The following FAM3B variants were observed in gnomAD, a reference collection of about 807,000 sequenced individuals.
FAM3B encodes FAM3 metabolism regulating signaling molecule B.
Under a neutral mutation model 28.4 loss-of-function variants are expected in FAM3B, and 29 were observed. The ratio of observed to expected loss-of-function variants is 1.02; its 90% CI spans 0.76 to 1.39. The LOEUF (loss-of-function observed/expected upper bound fraction) is 1.39, where lower values mean the gene tolerates loss of function less well. Ranked by LOEUF, FAM3B falls within the 40% of genes most tolerant of loss-of-function variation. The pLI, the probability that FAM3B is intolerant of heterozygous loss-of-function variation, is 0.00. For synonymous variants in FAM3B, 91 were observed against 103.0 expected (o/e 0.88, Z 0.71); for missense variants, 266 against 293.9 (o/e 0.91, Z 0.69).
intron 1 of FAM3B, among the ~76,000 whole-genome samples, chr21:41,304,512 T>C (rs1381118183): frequency 1.3e-5 from 2 of 152,178 alleles, no homozygotes; most frequent in Non-Finnish European, 2.9e-5. Context: ...TCCCGTCTAA[T>C]TCTCAGCCCC....
At chr21:41,351,434 G>A (rs568048630) in intron 7 of FAM3B, among the ~76,000 whole-genome samples, 10 of 152,322 alleles carry the variant, frequency 6.6e-5, no homozygotes, top group East Asian at 5.8e-4. Flanking sequence ...GTCAGTGCTG[G>A]AGAGTTACTA....
chr21:41,326,177 A>C lies in FAM3B; in HGVS notation c.163+3111A>C, dbSNP rs1265159271. On this transcript the variant is annotated intron_variant, in intron 2 of 7. Coordinates refer to ENST00000357985, the MANE Select transcript of FAM3B (RefSeq NM_058186.4). The surrounding 1 kb of genome is among the most constrained non-coding windows in gnomAD (Gnocchi z 4.0). Reference sequence around the variant, plus strand: ...TGGGGGAAGGAATTTCAGGAAAAGCACTGAAGACCTAGATGTGGTTCTCCA... The same window carrying C: ...TGGGGGAAGGAATTTCAGGAAAAGCCCTGAAGACCTAGATGTGGTTCTCCA... 2.0e-5 allele frequency among the ~76,000 whole-genome samples: 3 copies of C among 152,324 alleles called. No individual in the cohort carries two copies. The highest frequency in any genetic ancestry group is 4.1e-4 in the South Asian group (2 of 4,824).
At chr21:41,338,599 C>T (rs569775813) in intron 3 of FAM3B, 98 bp downstream of exon 3, 7 of 1,501,596 alleles carry the variant, frequency 4.7e-6, no homozygotes, top group Non-Finnish European at 6.3e-6. Context: ...CAGGAGAGAA[C>T]CATATGTCGT....
chr21:41,304,802 G>A (rs970402936), intron 1 of FAM3B, among the ~76,000 whole-genome samples: 2 of 152,222 alleles, frequency 1.3e-5, no homozygotes, highest in African/African-American at 4.8e-5. Flanking sequence ...TTCATCTGGT[G>A]CCAGTAGGAA....
In FAM3B at chr21:41,345,666, AC is replaced by A; in HGVS notation, c.347-18del. ...AGTTCTGTGAACTTTCTTTTAAAATACCATTTCTTTTATTTTCAGATGTAAC... is the reference window on the plus strand; with the variant it reads ...AGTTCTGTGAACTTTCTTTTAAAATACATTTCTTTTATTTTCAGATGTAAC... On this transcript the variant is annotated intron_variant, in intron 4 of 7. Coordinates refer to ENST00000357985, the MANE Select transcript of FAM3B (RefSeq NM_058186.4). 1 of 1,511,848 alleles carries A rather than the reference AC, an allele frequency of 6.6e-7. No homozygotes were observed. The highest frequency in any genetic ancestry group is 8.9e-7 in the Non-Finnish European group (1 of 1,125,772). 93.7% of individuals were successfully genotyped at this position (1,511,848 alleles called of 1,614,324 possible). A position where few individuals can be genotyped will look rare whatever the true frequency, so the allele number is the denominator to read the frequency against.
chr21:41,318,074 C>T (rs2088766607), intron 1 of FAM3B, among the ~76,000 whole-genome samples: 1 of 152,066 alleles, frequency 6.6e-6, no homozygotes, highest in Admixed American at 6.6e-5. Context: ...AATATGATTA[C>T]ATTGCTTTCC....
chr21:41,346,947 C>T, intron 5 of FAM3B, 66 bp from the exon 6 acceptor site: 1 of 1,443,368 alleles, frequency 6.9e-7, no homozygotes, highest in South Asian at 1.1e-5. Flanking sequence ...AGGAGGAAGC[C>T]CAGCACCCAA....
In FAM3B at chr21:41,336,958, A is replaced by G. The variant is rs7281974; in HGVS notation, c.164-1420A>G. ...CCATCCTTTCGCTTTCAACCTATACATTTTTTAAATCTGTCGAGCTCATCT... is the reference window on the plus strand; with the variant it reads ...CCATCCTTTCGCTTTCAACCTATACGTTTTTTAAATCTGTCGAGCTCATCT... On this transcript the variant is annotated intron_variant, in intron 2 of 7. Transcript: ENST00000357985. Among the ~76,000 whole-genome samples, 1,223 of 152,198 alleles carry G rather than the reference A, an allele frequency of 8.0e-3. 12 individuals are homozygous for G. Among genetic ancestry groups the G allele is most frequent in the African/African-American group, 0.028 (1,150 of 41,526 alleles).
At chr21:41,352,820 T>TAAACAAATAAATAAAC (rs150654301) in intron 7 of FAM3B, among the ~76,000 whole-genome samples, 1 of 149,998 alleles carries the variant, frequency 6.7e-6, no homozygotes, top group African/African-American at 2.5e-5. Flanking sequence ...AATAAATAAA[T>TAAACAAATAAATAAAC]AAATAAAGGA....
At chr21:41,311,571 GTT>G (rs2088714365) in intron 1 of FAM3B, among the ~76,000 whole-genome samples, 1 of 151,978 alleles carries the variant, frequency 6.6e-6, no homozygotes, top group African/African-American at 2.4e-5. Context: ...ATGAAGAACA[GTT>G]TTATTTTCCA....
intron 5 of FAM3B, chr21:41,346,458 T>A (rs761836469): frequency 1.3e-5 from 2 of 154,046 alleles, no homozygotes; most frequent in Admixed American, 6.4e-5. Flanking sequence ...CATAGATAAG[T>A]CTCTTGGCAC....
chr21:41,322,884 C>G, intron 1 of FAM3B, 39 bp from the exon 2 acceptor site: 1 of 1,614,206 alleles, frequency 6.2e-7, no homozygotes, highest in Non-Finnish European at 8.5e-7. Flanking sequence ...GGGCCGCCAC[C>G]AAGTCGTTCA....
At chr21:41,329,998 A>G (rs184610068) in intron 2 of FAM3B, among the ~76,000 whole-genome samples, 1 of 152,354 alleles carries the variant, frequency 6.6e-6, no homozygotes, top group African/African-American at 2.4e-5. Flanking sequence ...CCACATTCAC[A>G]TAACTTTATT....
At chr21:41,317,141 T>C (rs1488755191) in intron 1 of FAM3B, among the ~76,000 whole-genome samples, 1 of 152,108 alleles carries the variant, frequency 6.6e-6, no homozygotes, top group Non-Finnish European at 1.5e-5. Context: ...GCCAGGCCTG[T>C]TCCCGCCGCC....
At chr21:41,309,273 C>G (rs894697002) in intron 1 of FAM3B, among the ~76,000 whole-genome samples, 1 of 152,176 alleles carries the variant, frequency 6.6e-6, no homozygotes, top group African/African-American at 2.4e-5. Flanking sequence ...GTCTCCTTTT[C>G]TGACAAATGG....
At chr21:41,343,711 C>T (rs1826079314) in intron 3 of FAM3B, among the ~76,000 whole-genome samples, 1 of 152,228 alleles carries the variant, frequency 6.6e-6, no homozygotes, top group South Asian at 2.1e-4. Flanking sequence ...CACACAATTT[C>T]TGTGATCTTC....
intron 3 of FAM3B, among the ~76,000 whole-genome samples, chr21:41,342,781 T>C (rs397398): frequency 0.048 from 7,345 of 152,330 alleles, 225 homozygotes; most frequent in African/African-American, 0.064. Flanking sequence ...TGGATAACTC[T>C]AGCATTTAGA....
rs767227092 is a variant in FAM3B, at chr21:41,345,669, A to G, written c.347-17A>G. ...TCTGTGAACTTTCTTTTAAAATACC[A>G]TTTCTTTTATTTTCAGATGTAACTG... is the stretch of plus-strand genomic sequence containing the variant. On this transcript the variant is annotated splice_polypyrimidine_tract_variant and intron_variant, in intron 4 of 7. Transcript: ENST00000357985. 5 of 1,517,486 alleles carry G rather than the reference A, an allele frequency of 3.3e-6. No individual in the cohort carries two copies. The highest frequency in any genetic ancestry group is 2.3e-5 in the Admixed American group (1 of 43,046). The allele number at this position is 1,517,486 out of a possible 1,614,324, so 94.0% of individuals were successfully genotyped here.
At chr21:41,314,328 G>A (rs2088732291), upstream of FAM3B, among the ~76,000 whole-genome samples, 1 of 152,204 alleles carries the variant, frequency 6.6e-6, no homozygotes, top group South Asian at 2.1e-4. Flanking sequence ...AATGTGTGCT[G>A]TTTAAGTCCC....
Sources: allele counts gnomAD v4.1 joint callset (sites outside exome capture counted in the v4.1 genomes callset), GRCh38; gene constraint gnomAD v4.1.1; non-coding constraint Gnocchi (gnomAD v3.1); transcripts MANE v1.5; gene names NCBI Gene and HGNC (gene_info 2026-07-23, HGNC 2026-07-21).